The following OPCML variants were observed in gnomAD, a reference collection of about 807,000 sequenced individuals.
OPCML encodes the protein opioid binding protein/cell adhesion molecule like.
Under a neutral mutation model 37.8 loss-of-function variants are expected in OPCML, and 13 were observed. The observed-to-expected ratio is 0.34, with a 90% CI of 0.22 to 0.55. The LOEUF (loss-of-function observed/expected upper bound fraction) is 0.55. OPCML is among the 20% of genes least tolerant of loss of function. The probability of loss-of-function intolerance (pLI) is 0.91; values close to 1 mark genes in which losing one functional copy is unlikely to be tolerated. For synonymous variants in OPCML, 176 were observed against 168.8 expected, an observed-to-expected ratio of 1.04 and a Z score of -0.33; for missense variants, 341 against 435.6, an observed-to-expected ratio of 0.78 and a Z score of 1.93.
chr11:132,456,686 G>C (rs1336990227), intron 4 of OPCML, among the ~76,000 whole-genome samples: 1 of 152,224 alleles, frequency 6.6e-6, no homozygotes, highest in Non-Finnish European at 1.5e-5. Flanking sequence ...AGGTGTGGGA[G>C]AAAGAGCAGT....
At position 132,679,778 on chromosome 11, in the gene OPCML, C is replaced by G. The variant is rs565068408; in HGVS notation, c.147-22459G>C. Reference sequence around the variant, plus strand: ...AAATTATATCACAATAAAACTGTTACAAAAAGGGAGGAGTGTGCCTAATCC... The same window carrying G: ...AAATTATATCACAATAAAACTGTTAGAAAAAGGGAGGAGTGTGCCTAATCC... On this transcript the variant is annotated intron_variant, in intron 2 of 7. Transcript: ENST00000524381. Among the ~76,000 whole-genome samples the G allele has an allele frequency of 1.4e-3, 214 of 152,164 alleles. 3 individuals carry two copies. The highest frequency in any genetic ancestry group is 4.9e-3 in the African/African-American group (204 of 41,510).
intron 2 of OPCML, among the ~76,000 whole-genome samples, chr11:132,933,315 T>C (rs1011363536): frequency 5.9e-5 from 9 of 152,186 alleles, no homozygotes; most frequent in Admixed American, 3.3e-4. Context: ...TATGTGACCT[T>C]GATGAAGGGG....
At chr11:132,542,939 G>A (rs1211874518) in intron 3 of OPCML, among the ~76,000 whole-genome samples, 4 of 152,152 alleles carry the variant, frequency 2.6e-5, no homozygotes, top group East Asian at 1.9e-4. Flanking sequence ...TCAAGTCTGC[G>A]ACAGAATTGA....
At chr11:132,590,597 C>T (rs1040446224) in intron 3 of OPCML, among the ~76,000 whole-genome samples, 1 of 152,144 alleles carries the variant, frequency 6.6e-6, no homozygotes, top group Admixed American at 6.5e-5. Context: ...TCACGTTTTA[C>T]AGATAAAGTC....
At chr11:132,748,980 TCTC>T (rs1412805817) in intron 2 of OPCML, among the ~76,000 whole-genome samples, 1 of 152,130 alleles carries the variant, frequency 6.6e-6, no homozygotes, top group East Asian at 1.9e-4. Context: ...GTTTGTGCCT[TCTC>T]CTCCCTAAAA....
intron 1 of OPCML, among the ~76,000 whole-genome samples, chr11:133,409,238 C>T (rs1032087417): frequency 1.3e-5 from 2 of 152,216 alleles, no homozygotes; most frequent in African/African-American, 2.4e-5. Flanking sequence ...CATCTTCAGA[C>T]AGCGCGACTC....
intron 1 of OPCML, among the ~76,000 whole-genome samples, chr11:133,347,898 G>T (rs139390415): frequency 5.8e-4 from 88 of 152,308 alleles, no homozygotes; most frequent in African/African-American, 2.0e-3. Context: ...AAAGATGATA[G>T]TGAGCTGAGA....
intron 1 of OPCML, among the ~76,000 whole-genome samples, chr11:133,405,452 T>C (rs1945504158): frequency 6.6e-6 from 1 of 152,204 alleles, no homozygotes; most frequent in African/African-American, 2.4e-5. Context: ...GTGATCTGTA[T>C]GTTTAATTTC....
intron 1 of OPCML, among the ~76,000 whole-genome samples, chr11:133,483,653 T>C (rs1565659445): frequency 6.7e-6 from 1 of 149,788 alleles, no homozygotes; most frequent in African/African-American, 2.5e-5. Flanking sequence ...ATTAGGTAGA[T>C]AGACAGATTA....
intron 4 of OPCML, among the ~76,000 whole-genome samples, chr11:132,491,634 T>C (rs1411839972): frequency 6.6e-6 from 1 of 152,264 alleles, no homozygotes; most frequent in Non-Finnish European, 1.5e-5. Flanking sequence ...CCTGAAACTA[T>C]ATTACATATT....
At position 133,003,689 on chromosome 11, in the gene OPCML, T is replaced by C. The variant is rs958269804; in HGVS notation, c.62-60679A>G. On this transcript the variant is annotated intron_variant, in intron 1 of 7. Transcript: ENST00000524381. The stretch of plus-strand genomic sequence containing the variant: ...ACAAACAAAATACCCAGCATTCTAT[T>C]GCTTCCGGTAATGAATTAAAGTCCC... 9 of 985,320 alleles carry C rather than the reference T, an allele frequency of 9.1e-6. No homozygotes were observed. In the African/African-American group the frequency reaches 1.6e-4, roughly 17 times the overall value. The allele number at this position is 985,320 out of a possible 1,614,324, so 61.0% of individuals were successfully genotyped here.
chr11:133,379,520 T>C (rs536429623), intron 1 of OPCML, among the ~76,000 whole-genome samples: 15 of 152,334 alleles, frequency 9.8e-5, no homozygotes, highest in African/African-American at 3.4e-4. Flanking sequence ...CTTTTAAACG[T>C]GTGTTTCTTG....
At chr11:132,756,008 T>A (rs1302829838) in intron 2 of OPCML, among the ~76,000 whole-genome samples, 1 of 152,188 alleles carries the variant, frequency 6.6e-6, no homozygotes, top group Non-Finnish European at 1.5e-5. Context: ...GTCTACTCTG[T>A]CCTCAGGATC....
At position 133,378,419 on chromosome 11, in the gene OPCML, C is replaced by T. The variant is rs138120375; in HGVS notation, c.61+153845G>A. 6.3e-3 allele frequency among the ~76,000 whole-genome samples: 954 copies of T among 152,254 alleles called. 8 individuals are homozygous for T. The highest frequency in any genetic ancestry group is 0.021 in the African/African-American group (869 of 41,558). On this transcript the variant is annotated intron_variant, in intron 1 of 7. Transcript: ENST00000524381. ...ATTTGTTTAGTGATGGTGGGCAGCA[C>T]AAATTCTACTTTTCTCTCATAGCAT...
At chr11:133,332,599 T>C (rs973063054) in intron 1 of OPCML, among the ~76,000 whole-genome samples, 8 of 152,192 alleles carry the variant, frequency 5.3e-5, no homozygotes, top group Non-Finnish European at 1.2e-4. Context: ...TGGCTCTTAT[T>C]ATTTTGAGGT....
At chr11:133,267,115 C>A (rs186620674) in intron 1 of OPCML, among the ~76,000 whole-genome samples, 13 of 152,258 alleles carry the variant, frequency 8.5e-5, no homozygotes, top group African/African-American at 3.1e-4. Flanking sequence ...ACTTTGTAGG[C>A]GGTGGAATGC....
chr11:133,472,544 T>A (rs1200455185), intron 1 of OPCML, among the ~76,000 whole-genome samples: 1 of 151,670 alleles, frequency 6.6e-6, no homozygotes, highest in Non-Finnish European at 1.5e-5. Context: ...CCATTCTGCT[T>A]GGCTGAGAGC....
At chr11:133,079,920 C>T (rs1255102990) in intron 1 of OPCML, among the ~76,000 whole-genome samples, 1 of 152,218 alleles carries the variant, frequency 6.6e-6, no homozygotes, top group African/African-American at 2.4e-5. Context: ...ATCACTCTCC[C>T]TTTTCACAAA....
chr11:133,004,038 A>G (rs1947060518), intron 1 of OPCML: 1 of 985,250 alleles, frequency 1.0e-6, no homozygotes, highest in African/African-American at 1.7e-5. Context: ...TCAGGCGGAA[A>G]TGCCAGCTGG....
Sources: allele counts gnomAD v4.1 joint callset (sites outside exome capture counted in the v4.1 genomes callset), GRCh38; gene constraint gnomAD v4.1.1; transcripts MANE v1.5; gene names NCBI Gene and HGNC (gene_info 2026-07-23, HGNC 2026-07-21).